The following CATSPERT variants were observed in gnomAD, a reference collection of about 807,000 sequenced individuals.
CATSPERT encodes cation channel sperm-associated targeting subunit tau.
the CATSPERT span, chr2:201,558,212 A>G: frequency 6.6e-6 from 1 of 152,230 alleles, no homozygotes; most frequent in Non-Finnish European, 1.5e-5. Context: ...AATTCGCTAA[A>G]TGTTTAACAA....
the CATSPERT span, among the ~76,000 whole-genome samples, chr2:201,541,801 G>A: frequency 6.6e-6 from 1 of 151,656 alleles, no homozygotes; most frequent in African/African-American, 2.4e-5. Context: ...TCACCATGTT[G>A]GCCAGGCTGG....
chr2:201,516,867 C>G, the CATSPERT span, among the ~76,000 whole-genome samples: 1 of 149,700 alleles, frequency 6.7e-6, no homozygotes, highest in African/African-American at 2.5e-5. Flanking sequence ...AGACTAGGTG[C>G]GTAGGGAGAG....
the CATSPERT span, among the ~76,000 whole-genome samples, chr2:201,559,327 G>A: frequency 1.3e-5 from 2 of 152,206 alleles, no homozygotes; most frequent in Non-Finnish European, 2.9e-5. Flanking sequence ...CTTTGCACCT[G>A]CATCCCAGAC....
the CATSPERT span, among the ~76,000 whole-genome samples, chr2:201,600,493 A>G: frequency 6.6e-6 from 1 of 152,158 alleles, no homozygotes; most frequent in Admixed American, 6.5e-5. Flanking sequence ...GTAAATGATG[A>G]CTTGACAGGT....
At chr2:201,504,789 T>C in the CATSPERT span, among the ~76,000 whole-genome samples, 1 of 152,192 alleles carries the variant, frequency 6.6e-6, no homozygotes, top group African/African-American at 2.4e-5. Flanking sequence ...AGGTTTTCCC[T>C]GGGATGCTGG....
At chr2:201,552,968 CTTGA>C in the CATSPERT span, 1 of 152,158 alleles carries the variant, frequency 6.6e-6, no homozygotes, top group African/African-American at 2.4e-5. Context: ...TTCACTTTAA[CTTGA>C]TTATTTTATT....
the CATSPERT span, among the ~76,000 whole-genome samples, chr2:201,582,471 G>T: frequency 1.3e-5 from 2 of 151,816 alleles, no homozygotes; most frequent in African/African-American, 4.8e-5. Context: ...TATATCTAAC[G>T]GCAATTATCA....
the CATSPERT span, chr2:201,575,260 G>C: frequency 6.4e-7 from 1 of 1,560,404 alleles, no homozygotes; most frequent in Non-Finnish European, 8.7e-7. Flanking sequence ...TAAAACTTAG[G>C]AAGTTTCAGT....
At chr2:201,543,614 G>A in the CATSPERT span, among the ~76,000 whole-genome samples, 1 of 151,960 alleles carries the variant, frequency 6.6e-6, no homozygotes, top group Non-Finnish European at 1.5e-5. Flanking sequence ...TGATGCTATT[G>A]TAAACTGGAA....
chr2:201,500,531 TA>T, the CATSPERT span, among the ~76,000 whole-genome samples: 1 of 151,354 alleles, frequency 6.6e-6, no homozygotes, highest in Non-Finnish European at 1.5e-5. Flanking sequence ...AAACAAAAAA[TA>T]AAAAACAAAA....
chr2:201,607,842 A>C, the CATSPERT span, among the ~76,000 whole-genome samples: 5 of 152,350 alleles, frequency 3.3e-5, no homozygotes, highest in South Asian at 1.0e-3. Context: ...TAATTAGATT[A>C]AAATGAGGTC....
chr2:201,618,701 A>C, the CATSPERT span, among the ~76,000 whole-genome samples: 2 of 151,778 alleles, frequency 1.3e-5, no homozygotes, highest in African/African-American at 2.4e-5. Flanking sequence ...TAGAACTTAA[A>C]GTATAATAAA....
the CATSPERT span, among the ~76,000 whole-genome samples, chr2:201,586,898 A>G: frequency 6.6e-6 from 1 of 151,732 alleles, no homozygotes; most frequent in African/African-American, 2.4e-5. Context: ...TTTTACTGTC[A>G]TTTTCTAAGT....
chr2:201,514,341 A>C, the CATSPERT span, among the ~76,000 whole-genome samples: 1 of 152,236 alleles, frequency 6.6e-6, no homozygotes, highest in Non-Finnish European at 1.5e-5. Flanking sequence ...ATACATTATA[A>C]CCAAGTAGGG....
chr2:201,599,105 T>A, the CATSPERT span, among the ~76,000 whole-genome samples: 1 of 152,120 alleles, frequency 6.6e-6, no homozygotes, highest in South Asian at 2.1e-4. Flanking sequence ...ATTCTGATAC[T>A]TCCCCTGTGG....
the CATSPERT span, among the ~76,000 whole-genome samples, chr2:201,531,195 G>A: frequency 6.6e-6 from 1 of 151,606 alleles, no homozygotes; most frequent in African/African-American, 2.4e-5. Flanking sequence ...TCCTGACCTC[G>A]TGATTCACCT....
At chr2:201,545,750 A>C in the CATSPERT span, 4 of 506,304 alleles carry the variant, frequency 7.9e-6, no homozygotes, top group Non-Finnish European at 1.3e-5. Context: ...CTCCACACCC[A>C]AATTTACAGA....
the CATSPERT span, chr2:201,494,736 A>T: frequency 6.6e-7 from 1 of 1,510,294 alleles, no homozygotes; most frequent in Non-Finnish European, 8.8e-7. Flanking sequence ...AAGGATCAAA[A>T]CCGTTCTTGT....
chr2:201,491,304 G>T, the CATSPERT span: 2 of 1,537,802 alleles, frequency 1.3e-6, no homozygotes, highest in Non-Finnish European at 1.7e-6. Context: ...GGGCGACACG[G>T]TCTCTTTCTT....
Sources: allele counts gnomAD v4.1 joint callset (sites outside exome capture counted in the v4.1 genomes callset), GRCh38; gene constraint gnomAD v4.1.1; transcripts MANE v1.5; gene names NCBI Gene and HGNC (gene_info 2026-07-23, HGNC 2026-07-21).